The following TRPV3 variants were observed in gnomAD, a reference collection of about 807,000 sequenced individuals.
TRPV3 encodes the protein transient receptor potential cation channel subfamily V member 3.
TRPV3 carries 88 observed loss-of-function variants against 87.1 expected under a neutral mutation model. The observed-to-expected ratio is 1.01, with a 90% confidence interval of 0.85 to 1.21. The LOEUF (loss-of-function observed/expected upper bound fraction) is 1.21, where lower values mean the gene tolerates loss of function less well. Ranked by LOEUF, TRPV3 falls within the 50% of genes most tolerant of loss-of-function variation. The probability of loss-of-function intolerance (pLI) is 0.00; values close to 1 mark genes in which losing one functional copy is unlikely to be tolerated. For synonymous variants in TRPV3, 438 were observed against 423.3 expected (o/e 1.03, Z -0.43); for missense variants, 1,054 against 1,030.1 (o/e 1.02, Z -0.32).
Position 3,518,235 on chromosome 17 carries a change from A to G in TRPV3, c.2085+341T>C, listed in dbSNP as rs1409738878. Reference sequence around the variant, plus strand: ...ATGTAAGAAGTGTTCAGGCCAGGATAGAATAGAGCAGAACTGTCACCTCCA... The same window carrying G: ...ATGTAAGAAGTGTTCAGGCCAGGATGGAATAGAGCAGAACTGTCACCTCCA... On this transcript the variant is annotated intron_variant, in intron 15 of 17. Coordinates refer to ENST00000576742, the MANE Select transcript of TRPV3 (RefSeq NM_145068.4). The surrounding 1 kb of genome is among the most constrained non-coding windows in gnomAD (Gnocchi z 4.3). Among the ~76,000 whole-genome samples the G allele has an allele frequency of 6.6e-6, 1 of 152,160 alleles. No homozygotes were observed. The highest frequency in any genetic ancestry group is 1.5e-5 in the Non-Finnish European group (1 of 68,030).
rs200686536 is a variant in TRPV3, at chr17:3,524,288, G to A, written c.1653C>T (p.Leu551=). The A allele has an allele frequency of 2.1e-4, 338 of 1,614,262 alleles. 1 individual carries two copies. In the South Asian group the frequency reaches 2.3e-3, roughly 11 times the overall value. ...LFAYKEYLAC[L]VLAMALGWAN... is the part of the protein sequence containing the mutation. ...CCCAGCCCAGGGCCATGGCCAGCAC[G>A]AGGCAGGCGAGGTACTCTTTGTAGG... Residue 551 remains leucine (L), a synonymous_variant, in exon 13 of 18, where the codon CTC becomes CTT. Coordinates refer to ENST00000576742, the MANE Select transcript of TRPV3 (RefSeq NM_145068.4).
Position 3,557,509 on chromosome 17 carries a change from C to T in TRPV3, c.-3+167G>A, listed in dbSNP as rs2074643942. ...CCAAGAGTGCAGCCAAGAGTGCCTC[C>T]CTACAGCCAAGAGTGGGCCCCTGGC... On this transcript the variant is annotated intron_variant, in intron 1 of 17. Transcript: ENST00000576742. This position sits in a 1 kb window ranked among gnomAD's most constrained non-coding sequence, Gnocchi z 4.5. 6.6e-6 allele frequency among the ~76,000 whole-genome samples: 1 copy of T among 152,212 alleles called. No individual in the cohort carries two copies. The highest frequency in any genetic ancestry group is 1.5e-5 in the Non-Finnish European group (1 of 68,028).
intron 8 of TRPV3, among the ~76,000 whole-genome samples, chr17:3,531,164 G>A (rs1449085982): frequency 6.6e-6 from 1 of 152,202 alleles, no homozygotes; most frequent in Non-Finnish European, 1.5e-5. Flanking sequence ...TATTTGTGAA[G>A]CTTCCTGGTT....
intron 7 of TRPV3, among the ~76,000 whole-genome samples, chr17:3,533,561 C>A (rs527984874): frequency 1.8e-4 from 27 of 147,834 alleles, no homozygotes; most frequent in Non-Finnish European, 3.0e-4. Context: ...TGCAGTGGTG[C>A]GATCTCGCCT....
At chr17:3,514,793 A>G in intron 16 of TRPV3, 121 bp from the exon 17 acceptor site, 2 of 763,872 alleles carry the variant, frequency 2.6e-6, no homozygotes, top group South Asian at 3.3e-5. Flanking sequence ...CCTAGAGATC[A>G]GGAGCACCCC....
chr17:3,522,332 G>A (rs1448987275), intron 13 of TRPV3, among the ~76,000 whole-genome samples: 2 of 152,056 alleles, frequency 1.3e-5, no homozygotes, highest in East Asian at 1.9e-4. Context: ...CCTTCTCTTC[G>A]ATTTCACTTT....
chr17:3,535,486 T>TCTTCCCTC (rs888409162), intron 7 of TRPV3, 87 bp downstream of exon 7: 1 of 1,171,508 alleles, frequency 8.5e-7, no homozygotes, highest in Non-Finnish European at 1.1e-6. Context: ...CCTCCTCCCT[T>TCTTCCCTC]CTTCCCTCCT....
rs7212634 is a variant in TRPV3, at chr17:3,513,969, G to A, written c.2321C>T (p.Thr774Ile). 1,964 of 1,614,084 alleles carry A rather than the reference G, an allele frequency of 1.2e-3. 24 individuals are homozygous for A. The African/African-American group carries it at 0.022, about 18-fold the overall frequency. Residue 774 changes from threonine (T) to isoleucine (I), a missense_variant, in exon 18 of 18, where the codon ACC becomes ATC. By Grantham distance (89) the Thr-to-Ile change is moderately conservative (BLOSUM62 -1). Coordinates refer to ENST00000576742, the MANE Select transcript of TRPV3 (RefSeq NM_145068.4). Reference protein sequence around the residue: ...IQDSSRNNSKTTLNAFEEVEE... With the variant: ...IQDSSRNNSKITLNAFEEVEE... ...GACTTCTTCAAATGCATTGAGAGTGGTTTTGCTGTTGTTCCTGGAAGAATC... is the reference window on the plus strand; with the variant it reads ...GACTTCTTCAAATGCATTGAGAGTGATTTTGCTGTTGTTCCTGGAAGAATC...
rs763235764 is a variant in TRPV3 at position 3,528,100 on chromosome 17, C to A, written c.1428G>T (p.Thr476=). The part of the protein sequence containing the change: ...EEAIPHPLAL[T]HKMGWLQLLG... ...GGAGCTGCAGCCACCCCATCTTGTGCGTCAGGGCCAAGGGGTGCGGGATGG... is the reference window on the plus strand; with the variant it reads ...GGAGCTGCAGCCACCCCATCTTGTGAGTCAGGGCCAAGGGGTGCGGGATGG... The change falls in exon 11 of 18, where the codon ACG becomes ACT. Residue 476 remains threonine, a synonymous_variant. Transcript: ENST00000576742. The surrounding 1 kb of genome is among the most constrained non-coding windows in gnomAD (Gnocchi z 4.2). The A allele has an allele frequency of 6.2e-7, 1 of 1,613,236 alleles. No homozygotes were observed. The highest frequency in any genetic ancestry group is 8.5e-7 in the Non-Finnish European group (1 of 1,179,812).
At position 3,518,637 on chromosome 17, in the gene TRPV3, G is replaced by C. The variant is rs1439472397; in HGVS notation, c.2024C>G (p.Ala675Gly). 7.6e-6 allele frequency: 12 copies of C among 1,589,396 alleles called. No individual in the cohort carries two copies. The highest frequency in any genetic ancestry group is 1.0e-5 in the Non-Finnish European group (12 of 1,167,322). The change falls in exon 15 of 18, where the codon GCT (alanine) becomes GGT (glycine). Residue 675 changes from alanine to glycine, a missense_variant. Coordinates refer to ENST00000576742, the MANE Select transcript of TRPV3 (RefSeq NM_145068.4). This position sits in a 1 kb window ranked among gnomAD's most constrained non-coding sequence, Gnocchi z 4.3. ...TFVLLLNMLI[A>G]LMGETVENVS... ...GTTCTCCACAGTCTCGCCCATCAGA[G>C]CAATGAGCATGTTGAGGAGGAGAAC...
At chr17:3,549,613 GAAT>G (rs2074554363) in intron 2 of TRPV3, among the ~76,000 whole-genome samples, 2 of 152,314 alleles carry the variant, frequency 1.3e-5, no homozygotes, top group South Asian at 4.1e-4. Flanking sequence ...ATGGATGAAT[GAAT>G]AATGGAGAGA....
At chr17:3,551,867 A>ATTTT (rs2074577917) in intron 2 of TRPV3, among the ~76,000 whole-genome samples, 10 of 23,986 alleles carry the variant, frequency 4.2e-4, no homozygotes, top group South Asian at 1.8e-3. Flanking sequence ...CCTGTAATTT[A>ATTTT]TTCTTTTTTT....
chr17:3,525,061 C>T (rs1022992361), intron 12 of TRPV3, among the ~76,000 whole-genome samples: 45 of 152,148 alleles, frequency 3.0e-4, no homozygotes, highest in South Asian at 6.2e-4. Context: ...GCTCTGTCAC[C>T]TAGGCTGGAG....
At chr17:3,532,973 T>A in intron 7 of TRPV3, 36 bp from the exon 8 acceptor site, 1 of 1,606,594 alleles carries the variant, frequency 6.2e-7, no homozygotes, top group Non-Finnish European at 8.5e-7. Flanking sequence ...GGTTCTCTCA[T>A]GGGCCGGAAG....
chr17:3,546,268 C>A (rs957382976), intron 2 of TRPV3, among the ~76,000 whole-genome samples: 2 of 151,870 alleles, frequency 1.3e-5, no homozygotes, highest in East Asian at 3.9e-4. Flanking sequence ...ATGGAGAAAC[C>A]CCGTCTCTAC....
chr17:3,523,830 G>A (rs976318750), intron 13 of TRPV3, among the ~76,000 whole-genome samples: 6 of 151,666 alleles, frequency 4.0e-5, no homozygotes, highest in East Asian at 1.9e-4. Flanking sequence ...GATACACATC[G>A]TTTATATAGT....
chr17:3,520,514 T>C (rs1170858976), intron 14 of TRPV3, among the ~76,000 whole-genome samples: 1 of 152,218 alleles, frequency 6.6e-6, no homozygotes, highest in Non-Finnish European at 1.5e-5. Context: ...GAGGGCCACG[T>C]AAGCAATGAA....
chr17:3,549,422 A>G (rs1406239080), intron 2 of TRPV3, among the ~76,000 whole-genome samples: 1 of 152,226 alleles, frequency 6.6e-6, no homozygotes, highest in Non-Finnish European at 1.5e-5. Context: ...ACTCTGGACA[A>G]TACACCATCC....
chr17:3,522,405 TGA>T (rs980870414), intron 13 of TRPV3, among the ~76,000 whole-genome samples: 40 of 152,340 alleles, frequency 2.6e-4, no homozygotes, highest in Admixed American at 7.8e-4. Context: ...TACAATATTC[TGA>T]GAGAGACAAC....
Sources: allele counts gnomAD v4.1 joint callset (sites outside exome capture counted in the v4.1 genomes callset), GRCh38; gene constraint gnomAD v4.1.1; non-coding constraint Gnocchi (gnomAD v3.1); transcripts MANE v1.5; gene names NCBI Gene and HGNC (gene_info 2026-07-23, HGNC 2026-07-21).